The following UBE2E1 variants were observed in gnomAD, a reference collection of about 807,000 sequenced individuals.
UBE2E1 encodes the protein ubiquitin conjugating enzyme E2 E1.
A neutral mutation model predicts 21.4 loss-of-function variants in UBE2E1; 6 were observed. That is an observed-to-expected ratio of 0.28 (90% CI 0.15 to 0.55). The LOEUF is 0.55. Ranked by LOEUF, UBE2E1 falls within the 20% of genes least tolerant of loss-of-function variation. UBE2E1 has a pLI of 0.93. For missense variants in UBE2E1, 142 were observed against 236.5 expected, an observed-to-expected ratio of 0.60 and a Z score of 2.62; for synonymous variants, 87 against 82.7, an observed-to-expected ratio of 1.05 and a Z score of -0.28.
At chr3:23,851,931 A>C (rs1456389435) in intron 3 of UBE2E1, among the ~76,000 whole-genome samples, 2 of 152,204 alleles carry the variant, frequency 1.3e-5, no homozygotes, top group Non-Finnish European at 2.9e-5. Flanking sequence ...CAGACCCTTC[A>C]TGTATGGCTT....
Position 23,816,693 on chromosome 3 carries a change from C to T in UBE2E1, c.203+5183C>T, listed in dbSNP as rs747335003. On this transcript the variant is annotated intron_variant, in intron 3 of 5. Coordinates refer to ENST00000306627, the MANE Select transcript of UBE2E1 (RefSeq NM_003341.5). The surrounding 1 kb of genome is among the most constrained non-coding windows in gnomAD (Gnocchi z 4.8). Reference sequence around the variant, plus strand: ...CTGCACTCCAGCCTGGGCAACAAAGCGAGGCTCCATCTCAAAAAAAAAGGT... The same window carrying T: ...CTGCACTCCAGCCTGGGCAACAAAGTGAGGCTCCATCTCAAAAAAAAAGGT... Among the ~76,000 whole-genome samples, 18 of 151,848 alleles carry T rather than the reference C, an allele frequency of 1.2e-4. No individual in the cohort carries two copies. The highest frequency in any genetic ancestry group is 2.2e-4 in the African/African-American group (9 of 41,430).
In UBE2E1 at chr3:23,853,555, TAA is replaced by T. The variant is rs919526702; in HGVS notation, c.204-34011_204-34010del. Among the ~76,000 whole-genome samples, 3 of 152,174 alleles carry T rather than the reference TAA, an allele frequency of 2.0e-5. No individual in the cohort carries two copies. The highest frequency in any genetic ancestry group is 7.2e-5 in the African/African-American group (3 of 41,448). On this transcript the variant is annotated intron_variant, in intron 3 of 5. Coordinates refer to ENST00000306627, the MANE Select transcript of UBE2E1 (RefSeq NM_003341.5). The surrounding 1 kb of genome is among the most constrained non-coding windows in gnomAD (Gnocchi z 4.1). ...TTTCTTCTGTTGTTTTTTTTTAATA[TAA>T]GTTTTATGGTTTTAGCTGTTAAATT...
In UBE2E1 at chr3:23,842,745, G is replaced by A. The variant is rs1379468229; in HGVS notation, c.203+31235G>A. On this transcript the variant is annotated intron_variant, in intron 3 of 5. Coordinates refer to ENST00000306627, the MANE Select transcript of UBE2E1 (RefSeq NM_003341.5). The surrounding 1 kb of genome is among the most constrained non-coding windows in gnomAD (Gnocchi z 4.6). ...TTTTGGTTTTTGAAGTCACACATAA[G>A]TTTTTATACTTTTTGAGGGAATAAA... 2.0e-5 allele frequency among the ~76,000 whole-genome samples: 3 copies of A among 152,102 alleles called. No individual in the cohort carries two copies. Among genetic ancestry groups the A allele is most frequent in the Non-Finnish European group, 4.4e-5 (3 of 67,994 alleles).
At chr3:23,811,108 G>A (rs924761438) in intron 2 of UBE2E1, 2 of 284,478 alleles carry the variant, frequency 7.0e-6, no homozygotes, top group Non-Finnish European at 1.3e-5. Context: ...TGATCTCTCC[G>A]TGCTGGGGAG....
At position 23,810,673 on chromosome 3, in the gene UBE2E1, G is replaced by A; in HGVS notation, c.153-787G>A. The A allele has an allele frequency of 1.3e-6, 1 of 751,460 alleles. No homozygotes were observed. The highest frequency in any genetic ancestry group is 2.0e-6 in the Non-Finnish European group (1 of 496,070). The allele number at this position is 751,460 out of a possible 1,614,324, so 46.5% of individuals were successfully genotyped here. On this transcript the variant is annotated intron_variant, in intron 2 of 5. Coordinates refer to ENST00000306627, the MANE Select transcript of UBE2E1 (RefSeq NM_003341.5). This position sits in a 1 kb window ranked among gnomAD's most constrained non-coding sequence, Gnocchi z 5.8. ...TGTTCGCGCCCTGCTTTCGCGCGCG[G>A]TCTCGGGCCAAGGTTCTGGGCGCCG...
intron 3 of UBE2E1, among the ~76,000 whole-genome samples, chr3:23,839,842 G>A (rs1478920274): frequency 1.3e-5 from 2 of 151,934 alleles, no homozygotes; most frequent in Non-Finnish European, 2.9e-5. Context: ...CTTTTTGTCT[G>A]GCTACTTTTA....
At chr3:23,834,207 T>C (rs2125295997) in intron 3 of UBE2E1, among the ~76,000 whole-genome samples, 1 of 152,352 alleles carries the variant, frequency 6.6e-6, no homozygotes, top group South Asian at 2.1e-4. Context: ...AGCTTGGTTT[T>C]GAGTCTCACC....
At chr3:23,865,911 TTAGC>T (rs1330693248) in intron 3 of UBE2E1, among the ~76,000 whole-genome samples, 8 of 152,176 alleles carry the variant, frequency 5.3e-5, no homozygotes, top group Non-Finnish European at 8.8e-5. Flanking sequence ...GTGGGCCTCT[TTAGC>T]TGCTGCTGCT....
Position 23,842,706 on chromosome 3 carries a change from T to C in UBE2E1, c.203+31196T>C, listed in dbSNP as rs994002714. Reference sequence around the variant, plus strand: ...CAAATTACAAGTGCGCTATTCGGTTTTTAAAAATTTTAATTTTGGTTTTTG... The same window carrying C: ...CAAATTACAAGTGCGCTATTCGGTTCTTAAAAATTTTAATTTTGGTTTTTG... On this transcript the variant is annotated intron_variant, in intron 3 of 5. Coordinates refer to ENST00000306627, the MANE Select transcript of UBE2E1 (RefSeq NM_003341.5). This position sits in a 1 kb window ranked among gnomAD's most constrained non-coding sequence, Gnocchi z 4.6. Among the ~76,000 whole-genome samples, 8 of 152,222 alleles carry C rather than the reference T, an allele frequency of 5.3e-5. No individual in the cohort carries two copies. Among genetic ancestry groups the C allele is most frequent in the African/African-American group, 1.7e-4 (7 of 41,448 alleles).
chr3:23,872,240 G>A (rs1357478235), intron 3 of UBE2E1, among the ~76,000 whole-genome samples: 1 of 151,094 alleles, frequency 6.6e-6, no homozygotes, highest in African/African-American at 2.4e-5. Flanking sequence ...AGGCGTGGCG[G>A]CGCGCGCCTG....
In UBE2E1 at chr3:23,816,931, A is replaced by G. The variant is rs981685591; in HGVS notation, c.203+5421A>G. Among the ~76,000 whole-genome samples, 1 of 152,326 alleles carries G rather than the reference A, an allele frequency of 6.6e-6. No homozygotes were observed. Among genetic ancestry groups the G allele is most frequent in the South Asian group, 2.1e-4 (1 of 4,834 alleles). Reference sequence around the variant, plus strand: ...TGGAAATAATGGTGATGGTTGCGCAATATTGTGAATGTAATTAATGCCACT... The same window carrying G: ...TGGAAATAATGGTGATGGTTGCGCAGTATTGTGAATGTAATTAATGCCACT... On this transcript the variant is annotated intron_variant, in intron 3 of 5. Transcript: ENST00000306627. This position sits in a 1 kb window ranked among gnomAD's most constrained non-coding sequence, Gnocchi z 4.8.
chr3:23,854,605 C>T (rs1700397538), intron 3 of UBE2E1, among the ~76,000 whole-genome samples: 1 of 152,090 alleles, frequency 6.6e-6, no homozygotes, highest in South Asian at 2.1e-4. Flanking sequence ...CAGAAAAAGC[C>T]CTAACTAATA....
intron 3 of UBE2E1, among the ~76,000 whole-genome samples, chr3:23,864,206 T>TG (rs1350446295): frequency 6.6e-6 from 1 of 152,226 alleles, no homozygotes; most frequent in African/African-American, 2.4e-5. Flanking sequence ...CTCCCACTAT[T>TG]GCTTTTGAAA....
At chr3:23,856,494 C>A (rs941404534) in intron 3 of UBE2E1, among the ~76,000 whole-genome samples, 4 of 152,210 alleles carry the variant, frequency 2.6e-5, no homozygotes, top group African/African-American at 9.7e-5. Context: ...TTTCCTGGTA[C>A]ATTGCCAAGG....
chr3:23,879,805 T>G (rs1276060143), intron 3 of UBE2E1, among the ~76,000 whole-genome samples: 1 of 152,222 alleles, frequency 6.6e-6, no homozygotes, highest in Non-Finnish European at 1.5e-5. Flanking sequence ...TCCTTTCACT[T>G]TTTTTCTAGG....
rs1699872948 is a variant in UBE2E1, at chr3:23,831,823, A to G, written c.203+20313A>G. 2.0e-5 allele frequency among the ~76,000 whole-genome samples: 3 copies of G among 151,968 alleles called. No individual in the cohort carries two copies. In the South Asian group the frequency reaches 6.2e-4, roughly 32 times the overall value. ...GCCATTCTCCTGCCTCAGCCTCCCA[A>G]ATGCTGGAATTACAGGTGCCCGCCA... On this transcript the variant is annotated intron_variant, in intron 3 of 5. Transcript: ENST00000306627.
chr3:23,845,872 A>G (rs974966518), intron 3 of UBE2E1, among the ~76,000 whole-genome samples: 4 of 152,180 alleles, frequency 2.6e-5, no homozygotes, highest in Admixed American at 2.6e-4. Flanking sequence ...TCAATATAAA[A>G]TTTATTAATA....
At chr3:23,871,012 A>G (rs1337525857) in intron 3 of UBE2E1, among the ~76,000 whole-genome samples, 2 of 152,232 alleles carry the variant, frequency 1.3e-5, no homozygotes, top group Non-Finnish European at 2.9e-5. Context: ...ACAGATCAAC[A>G]GGATCCCAAG....
intron 3 of UBE2E1, among the ~76,000 whole-genome samples, chr3:23,843,649 A>G (rs184129851): frequency 2.6e-5 from 4 of 151,666 alleles, no homozygotes; most frequent in Admixed American, 2.0e-4. Context: ...CACCCTTCCA[A>G]CTCCCCCAGA....
Sources: gnomAD v4.1 joint callset for allele counts (sites outside exome capture counted in the v4.1 genomes callset) on GRCh38, gnomAD v4.1.1 for gene constraint, Gnocchi (gnomAD v3.1) non-coding constraint, MANE v1.5 for transcripts, NCBI Gene and HGNC (gene_info 2026-07-23, HGNC 2026-07-21) for gene names.